SLC26A7: variants seen among roughly 807,000 people sequenced by gnomAD.
SLC26A7 encodes the protein anion exchange transporter.
Under a neutral mutation model 82.5 loss-of-function variants are expected in SLC26A7, and 59 were observed. The observed-to-expected ratio is 0.72, with a 90% CI of 0.58 to 0.89. SLC26A7 has a LOEUF of 0.89. Ranked by LOEUF, SLC26A7 falls within the 40% of genes least tolerant of loss-of-function variation. The pLI is 0.00. For synonymous variants in SLC26A7, 271 were observed against 274.3 expected, an observed-to-expected ratio of 0.99 and a Z score of 0.12; for missense variants, 820 against 793.0, an observed-to-expected ratio of 1.03 and a Z score of -0.41.
upstream of SLC26A7, among the ~76,000 whole-genome samples, chr8:91,248,467 A>G (rs1439023940): frequency 6.6e-6 from 1 of 152,088 alleles, no homozygotes; most frequent in Admixed American, 6.6e-5. Flanking sequence ...AACTATATAC[A>G]TGGTATTCTT....
intron 2 of SLC26A7, among the ~76,000 whole-genome samples, chr8:91,288,727 T>A (rs1217742006): frequency 1.3e-5 from 2 of 152,166 alleles, no homozygotes; most frequent in Non-Finnish European, 2.9e-5. Flanking sequence ...AGGCTTCTCA[T>A]CTGTCAGGGG....
At chr8:91,359,005 A>C (rs1813969649) in intron 11 of SLC26A7, among the ~76,000 whole-genome samples, 1 of 152,206 alleles carries the variant, frequency 6.6e-6, no homozygotes. Flanking sequence ...GCTGCAGCAC[A>C]CCAACATGGC....
At chr8:91,325,815 C>T (rs1000429108) in intron 5 of SLC26A7, among the ~76,000 whole-genome samples, 6 of 152,130 alleles carry the variant, frequency 3.9e-5, no homozygotes, top group Non-Finnish European at 7.3e-5. Context: ...AAAATGTGCA[C>T]GTGTTTGTCT....
chr8:91,255,445 G>T (rs970161142), intron 2 of SLC26A7, among the ~76,000 whole-genome samples: 4 of 152,128 alleles, frequency 2.6e-5, no homozygotes, highest in African/African-American at 9.7e-5. Flanking sequence ...ATGTTTCCCT[G>T]CATGGTCTCA....
chr8:91,313,811 A>G (rs541414898), intron 4 of SLC26A7, among the ~76,000 whole-genome samples: 1 of 152,354 alleles, frequency 6.6e-6, no homozygotes, highest in African/African-American at 2.4e-5. Context: ...GTGATTTGGT[A>G]TAATGTAAAA....
chr8:91,367,153 A>ACCCGCCACC (rs1466404727), intron 14 of SLC26A7, among the ~76,000 whole-genome samples: 1 of 151,860 alleles, frequency 6.6e-6, no homozygotes, highest in Non-Finnish European at 1.5e-5. Flanking sequence ...GACCACAGGT[A>ACCCGCCACC]CCCGCCACCA....
At chr8:91,323,818 CT>C (rs3086210) in intron 5 of SLC26A7, among the ~76,000 whole-genome samples, 42,661 of 115,990 alleles carry the variant, frequency 0.37, 5,779 homozygotes, top group South Asian at 0.48. Flanking sequence ...TTTTTCTTAT[CT>C]TTTTTTTTTT....
chr8:91,278,522 A>G (rs1811467661), intron 2 of SLC26A7, among the ~76,000 whole-genome samples: 1 of 152,200 alleles, frequency 6.6e-6, no homozygotes, highest in African/African-American at 2.4e-5. Context: ...GAAGTATATC[A>G]CGAAATTAAT....
intron 4 of SLC26A7, among the ~76,000 whole-genome samples, chr8:91,304,747 A>G (rs1812257792): frequency 6.6e-6 from 1 of 152,160 alleles, no homozygotes; most frequent in South Asian, 2.1e-4. Flanking sequence ...AGGGCCAGGC[A>G]TTGTTCTAGC....
chr8:91,374,028 A>G (rs1247509015), intron 15 of SLC26A7, among the ~76,000 whole-genome samples: 2 of 151,988 alleles, frequency 1.3e-5, no homozygotes, highest in Non-Finnish European at 2.9e-5. Context: ...TGGTCACAGT[A>G]GTCTCTGAAG....
intron 2 of SLC26A7, among the ~76,000 whole-genome samples, chr8:91,270,506 G>A (rs1811240044): frequency 2.0e-5 from 3 of 152,140 alleles, no homozygotes; most frequent in Non-Finnish European, 4.4e-5. Context: ...TTGTTTCCAG[G>A]ACAGGGGACA....
chr8:91,366,527 A>T (rs1355881766), intron 13 of SLC26A7, 53 bp from the exon 14 acceptor site: 3 of 1,574,320 alleles, frequency 1.9e-6, no homozygotes, highest in Non-Finnish European at 2.6e-6. Context: ...CTGATTGTTT[A>T]TTGGCTATAA....
chr8:91,212,463 G>A (rs1406811935), intron 1 of SLC26A7, among the ~76,000 whole-genome samples: 4 of 152,082 alleles, frequency 2.6e-5, no homozygotes, highest in Admixed American at 2.0e-4. Context: ...ATTAGACTGC[G>A]TAGGTCTCCC....
chr8:91,309,956 G>A (rs1263446517), intron 4 of SLC26A7, among the ~76,000 whole-genome samples: 1 of 152,190 alleles, frequency 6.6e-6, no homozygotes, highest in African/African-American at 2.4e-5. Context: ...TCATAAGCCA[G>A]TTAAACTCTG....
chr8:91,212,353 T>A (rs1809944794), intron 1 of SLC26A7, among the ~76,000 whole-genome samples: 1 of 152,110 alleles, frequency 6.6e-6, no homozygotes, highest in Non-Finnish European at 1.5e-5. Context: ...TTCCCCAGAT[T>A]CCTTTAAAGT....
At chr8:91,229,718 T>A (rs1810286674) in intron 2 of SLC26A7, among the ~76,000 whole-genome samples, 1 of 152,198 alleles carries the variant, frequency 6.6e-6, no homozygotes, top group South Asian at 2.1e-4. Flanking sequence ...CAAACCTTTA[T>A]AAAGATATGG....
intron 5 of SLC26A7, among the ~76,000 whole-genome samples, chr8:91,323,974 G>A (rs1181960840): frequency 1.3e-5 from 2 of 151,776 alleles, no homozygotes; most frequent in African/African-American, 4.8e-5. Flanking sequence ...TTGCAGATGT[G>A]CATAACCACG....
intron 4 of SLC26A7, among the ~76,000 whole-genome samples, chr8:91,307,964 A>C (rs1050264392): frequency 3.9e-5 from 6 of 152,062 alleles, no homozygotes; most frequent in African/African-American, 1.4e-4. Flanking sequence ...CTTCCAAAGC[A>C]CTGGGATTAT....
intron 5 of SLC26A7, among the ~76,000 whole-genome samples, chr8:91,323,096 G>A (rs765223766): frequency 2.0e-5 from 3 of 152,148 alleles, no homozygotes; most frequent in Non-Finnish European, 4.4e-5. Flanking sequence ...TGGGATTTCT[G>A]AATCAAGAAC....
Sources: gnomAD v4.1 joint callset for allele counts (sites outside exome capture counted in the v4.1 genomes callset) on GRCh38, gnomAD v4.1.1 for gene constraint, MANE v1.5 for transcripts, NCBI Gene and HGNC (gene_info 2026-07-23, HGNC 2026-07-21) for gene names.